CCDC3: variants seen among roughly 807,000 people sequenced by gnomAD.
CCDC3 encodes the protein coiled-coil domain-containing protein 3.
Under a neutral mutation model 21.4 loss-of-function variants are expected in CCDC3, and 24 were observed. The ratio of observed to expected loss-of-function variants is 1.12; its 90% confidence interval spans 0.81 to 1.58. The LOEUF (loss-of-function observed/expected upper bound fraction) is 1.58, where lower values mean the gene tolerates loss of function less well. Ranked by LOEUF, CCDC3 falls within the 40% of genes most tolerant of loss-of-function variation. The pLI, the probability that CCDC3 is intolerant of heterozygous loss-of-function variation, is 0.00. For missense variants in CCDC3, 425 were observed against 360.9 expected (o/e 1.18, Z -1.44); for synonymous variants, 186 against 166.0 (o/e 1.12, Z -0.93).
intron 4 of CCDC3, among the ~76,000 whole-genome samples, chr10:13,050,100 G>T (rs1836584313): frequency 6.6e-6 from 1 of 152,116 alleles, no homozygotes; most frequent in Non-Finnish European, 1.5e-5. Context: ...ATTAACCTGG[G>T]TGTGGGGCTG....
At chr10:12,920,578 C>T (rs565587574) in intron 2 of CCDC3, among the ~76,000 whole-genome samples, 3 of 152,188 alleles carry the variant, frequency 2.0e-5, no homozygotes, top group African/African-American at 4.8e-5. Flanking sequence ...ATTAGGTTGG[C>T]GCAAAAGTAA....
chr10:13,001,954 C>T (rs968916271), upstream of CCDC3, among the ~76,000 whole-genome samples: 3 of 152,172 alleles, frequency 2.0e-5, no homozygotes, highest in African/African-American at 7.2e-5. Flanking sequence ...GGACGTGGTC[C>T]GAGCTTGCCA....
intron 5 of CCDC3, among the ~76,000 whole-genome samples, chr10:13,036,880 A>G (rs1490395142): frequency 2.6e-5 from 4 of 151,846 alleles, no homozygotes; most frequent in Non-Finnish European, 5.9e-5. Context: ...CCCAGGCTCA[A>G]GCAATCCTCT....
At chr10:12,908,993 C>T (rs1031950733) in intron 2 of CCDC3, among the ~76,000 whole-genome samples, 16 of 152,094 alleles carry the variant, frequency 1.1e-4, no homozygotes, top group Non-Finnish European at 2.1e-4. Flanking sequence ...TTTCAGGATC[C>T]CAGAAAATCC....
intron 3 of CCDC3, among the ~76,000 whole-genome samples, chr10:13,097,701 G>A (rs1832645924): frequency 6.6e-6 from 1 of 152,164 alleles, no homozygotes; most frequent in Non-Finnish European, 1.5e-5. Context: ...TCCAGCCTGG[G>A]CAACAGAGTG....
chr10:12,968,251 A>T (rs1318333822), intron 2 of CCDC3, among the ~76,000 whole-genome samples: 2 of 151,920 alleles, frequency 1.3e-5, no homozygotes, highest in African/African-American at 4.8e-5. Flanking sequence ...AACAAGAGAA[A>T]ACAGGAAAAC....
At chr10:13,044,125 T>C (rs560634141) in intron 5 of CCDC3, among the ~76,000 whole-genome samples, 12 of 152,204 alleles carry the variant, frequency 7.9e-5, no homozygotes, top group African/African-American at 1.9e-4. Context: ...TGACCATTTT[T>C]TCATATGTTT....
At chr10:13,023,567 G>A (rs372204705) in intron 5 of CCDC3, among the ~76,000 whole-genome samples, 6 of 152,100 alleles carry the variant, frequency 3.9e-5, no homozygotes, top group African/African-American at 7.2e-5. Context: ...CTAACGTCCC[G>A]TTGTCTAAAG....
At chr10:12,968,646 T>C (rs2580918) in intron 2 of CCDC3, among the ~76,000 whole-genome samples, 79,985 of 152,062 alleles carry the variant, frequency 0.53, 21,222 homozygotes, top group African/African-American at 0.57. Context: ...GGTTAAAAGA[T>C]GAAACTATTT....
At chr10:13,041,449 A>G (rs980395279) in intron 5 of CCDC3, among the ~76,000 whole-genome samples, 3 of 132,384 alleles carry the variant, frequency 2.3e-5, no homozygotes, top group African/African-American at 9.0e-5. Context: ...AAGTATCTGT[A>G]TGTGTTGATT....
chr10:13,054,061 C>T (rs148503293), intron 4 of CCDC3, among the ~76,000 whole-genome samples: 455 of 149,942 alleles, frequency 3.0e-3, no homozygotes, highest in African/African-American at 0.011. Context: ...AGGGGAATTG[C>T]TTAAACCCAG....
intron 5 of CCDC3, among the ~76,000 whole-genome samples, chr10:13,036,973 T>C (rs558650961): frequency 6.6e-6 from 1 of 151,748 alleles, no homozygotes; most frequent in Non-Finnish European, 1.5e-5. Context: ...TTTGTAGAGA[T>C]AGGGTCTCAC....
intron 2 of CCDC3, among the ~76,000 whole-genome samples, chr10:12,974,750 C>T (rs1024744001): frequency 7.2e-5 from 11 of 152,340 alleles, no homozygotes; most frequent in Admixed American, 6.5e-5. Context: ...CTTCTTAGAG[C>T]ACATCCACTG....
intron 2 of CCDC3, among the ~76,000 whole-genome samples, chr10:12,981,206 G>C (rs1465996355): frequency 5.7e-5 from 7 of 122,336 alleles, no homozygotes; most frequent in Admixed American, 2.7e-4. Context: ...TTTTGAGATG[G>C]ATTCTCACAG....
At chr10:12,914,845 C>G (rs1834325982) in intron 2 of CCDC3, among the ~76,000 whole-genome samples, 1 of 151,896 alleles carries the variant, frequency 6.6e-6, no homozygotes, top group African/African-American at 2.4e-5. Context: ...TATTATTTTT[C>G]TACTCTCTCA....
At chr10:12,936,156 C>T (rs72777403) in intron 2 of CCDC3, among the ~76,000 whole-genome samples, 2,230 of 152,264 alleles carry the variant, frequency 0.015, 20 homozygotes, top group Middle Eastern at 0.054. Flanking sequence ...TGCAGGTTTA[C>T]GGTCCGACGG....
At chr10:12,999,803 T>C (rs1835818468) in intron 1 of CCDC3, among the ~76,000 whole-genome samples, 1 of 152,248 alleles carries the variant, frequency 6.6e-6, no homozygotes, top group African/African-American at 2.4e-5. Context: ...TGGTTTTGAA[T>C]AGTTTTATAG....
chr10:13,005,743 C>T (rs75236959), upstream of CCDC3, among the ~76,000 whole-genome samples: 421 of 152,296 alleles, frequency 2.8e-3, 3 homozygotes, highest in African/African-American at 9.9e-3. Context: ...TCAAGTGATA[C>T]AGTGACTTGT....
chr10:13,074,776 A>G (rs1386792456), intron 3 of CCDC3, among the ~76,000 whole-genome samples: 1 of 152,120 alleles, frequency 6.6e-6, no homozygotes, highest in African/African-American at 2.4e-5. Context: ...TCAGCTATCT[A>G]CGTTAGACCT....
Sources: gnomAD v4.1 joint callset for allele counts (sites outside exome capture counted in the v4.1 genomes callset) on GRCh38, gnomAD v4.1.1 for gene constraint, MANE v1.5 for transcripts, NCBI Gene and HGNC (gene_info 2026-07-23, HGNC 2026-07-21) for gene names.